Variants in NBPF11 observed in about 807,000 individuals in gnomAD.
NBPF11 encodes NBPF family member NBPF11.
A neutral mutation model predicts 93.9 loss-of-function variants in NBPF11; 72 were observed. That is an observed-to-expected ratio of 0.77 (90% CI 0.63 to 0.93). The LOEUF is 0.93. Among genes scored for constraint, NBPF11 ranks in the 40% least tolerant of loss-of-function variants. The pLI is 0.00. For missense variants in NBPF11, 705 were observed against 802.2 expected, an observed-to-expected ratio of 0.88 and a Z score of 1.46; for synonymous variants, 224 against 304.9, an observed-to-expected ratio of 0.73 and a Z score of 2.76.
chr1:148,146,713 G>T (rs1207262146), intron 1 of NBPF11: 35 of 1,611,900 alleles, frequency 2.2e-5, no homozygotes, highest in Admixed American at 1.7e-4. Flanking sequence ...TGTTCGCTGC[G>T]TGCCTGGTGC....
Position 148,120,627 on chromosome 1 carries a change from T to C in NBPF11, c.862A>G (p.Ile288Val). ...CACAATTTCTCATTGATTTCTAGAA[T>C]GTTCATCTCTGCCTTCTCGCTGGAC... ...PLSSEKAEMNILEINEKLCPQ... is the reference protein window; with the variant it reads ...PLSSEKAEMNVLEINEKLCPQ... Residue 288 changes from isoleucine to valine, a missense_variant, in exon 10 of 24, where the codon ATT (isoleucine) becomes GTT (valine). Around this residue, in one of 12 missense-constraint regions of NBPF11, gnomAD observed 262 missense variants for 223.1 expected, o/e 1.17. Coordinates refer to ENST00000682118, the MANE Select transcript of NBPF11 (RefSeq NM_001385469.3). The C allele has an allele frequency of 6.5e-7, 1 of 1,535,250 alleles. No homozygotes were observed. Among genetic ancestry groups the C allele is most frequent in the Non-Finnish European group, 9.0e-7 (1 of 1,110,000 alleles).
intron 8 of NBPF11, 91 bp from the exon 9 acceptor site, chr1:148,122,357 T>C: frequency 6.3e-7 from 1 of 1,590,566 alleles, no homozygotes; most frequent in South Asian, 1.1e-5. Flanking sequence ...CAAGCGGCAT[T>C]AAGAGAGTGG....
Position 148,146,801 on chromosome 1 carries a change from C to G in NBPF11, c.-548-3115G>C, listed in dbSNP as rs1372551627. The G allele has an allele frequency of 3.1e-6, 5 of 1,613,268 alleles. No individual in the cohort carries two copies. The African/African-American group carries it at 5.3e-5, about 17-fold the overall frequency. On this transcript the variant is annotated intron_variant, in intron 1 of 23. Transcript: ENST00000682118. Reference sequence around the variant, plus strand: ...AGCAGCTTCTACATTGGCCTGGGCTCCCGCCTCCACTGCAACATCTTCACC... The same window carrying G: ...AGCAGCTTCTACATTGGCCTGGGCTGCCGCCTCCACTGCAACATCTTCACC...
chr1:148,124,721 C>T (rs1441790086), intron 6 of NBPF11, among the ~76,000 whole-genome samples, 178 bp downstream of exon 6: 1 of 152,092 alleles, frequency 6.6e-6, no homozygotes, highest in Non-Finnish European at 1.5e-5. Context: ...GAAACAACTG[C>T]AACACAGAAC....
intron 9 of NBPF11, 103 bp from the exon 10 acceptor site, chr1:148,120,813 T>G (rs1333476301): frequency 1.1e-6 from 1 of 901,618 alleles, no homozygotes. Context: ...TTTACTTATT[T>G]GAAGATGTTG....
Position 148,105,462 on chromosome 1 carries a change from T to C in NBPF11, c.2370A>G (p.Gln790=), listed in dbSNP as rs1663322053. 5.3e-6 allele frequency: 6 copies of C among 1,136,632 alleles called. No homozygotes were observed. Among genetic ancestry groups the C allele is most frequent in the East Asian group, 5.2e-5 (2 of 38,626 alleles). 70.4% of individuals were successfully genotyped at this position (1,136,632 alleles called of 1,614,324 possible). ...GGCTGTTCAAGACAACTGGAAGGAG[T>C]TGAATAACATCCAGTGAGTCCTGCA... ...EVLQDSLDVI[Q]LLPVVLNSLT... The change falls in exon 22 of 24, where the codon CAA becomes CAG. Residue 790 remains glutamine (Q), a synonymous_variant. Coordinates refer to ENST00000682118, the MANE Select transcript of NBPF11 (RefSeq NM_001385469.3).
Position 148,141,427 on chromosome 1 carries a change from T to C in NBPF11, c.-277+1988A>G, listed in dbSNP as rs1210446255. On this transcript the variant is annotated intron_variant, in intron 2 of 23. Transcript: ENST00000682118. ...GCCTAGGAGAACTCTCTGTACTATC[T>C]ACTCCATTTTTCTGTAAACCTAGAA... 5.3e-4 allele frequency among the ~76,000 whole-genome samples: 80 copies of C among 152,194 alleles called. 1 individual carries two copies. The highest frequency in any genetic ancestry group is 1.5e-3 in the African/African-American group (62 of 41,436).
At chr1:148,151,551 C>T (rs1553882533) in intron 1 of NBPF11, among the ~76,000 whole-genome samples, 199 bp downstream of exon 1, 66 of 151,886 alleles carry the variant, frequency 4.3e-4, no homozygotes, top group Admixed American at 2.3e-3. Context: ...AGGAGGGCTG[C>T]GGGCTGCAGC....
In NBPF11 at chr1:148,149,427, C is replaced by T. The variant is rs1647688118; in HGVS notation, c.-549+2323G>A. The T allele has an allele frequency of 3.8e-6, 6 of 1,581,190 alleles. 1 individual carries two copies. The highest frequency in any genetic ancestry group is 3.5e-5 in the Admixed American group (2 of 57,738). On this transcript the variant is annotated intron_variant, in intron 1 of 23. Coordinates refer to ENST00000682118, the MANE Select transcript of NBPF11 (RefSeq NM_001385469.3). ...GTGATCGACTTCTCGCACGGGCTGG[C>T]GCTCTACGAGCGCTGCCCCAAGGCG...
At chr1:148,140,840 C>G (rs1293522748) in intron 2 of NBPF11, among the ~76,000 whole-genome samples, 2 of 151,314 alleles carry the variant, frequency 1.3e-5, no homozygotes, top group African/African-American at 2.4e-5. Context: ...TAAGTTCATT[C>G]AAAATCCTGC....
Position 148,121,027 on chromosome 1 carries a change from A to T in NBPF11, c.779-317T>A, listed in dbSNP as rs3992671. On this transcript the variant is annotated intron_variant, in intron 9 of 23. Coordinates refer to ENST00000682118, the MANE Select transcript of NBPF11 (RefSeq NM_001385469.3). ...CACAAAAGATTTCATTTTGCTTTTT[A>T]AATTTTTTCCTTTTTTGGTTTTTTG... Among the ~76,000 whole-genome samples the T allele has an allele frequency of 3.3e-5, 5 of 152,024 alleles. No homozygotes were observed. In the East Asian group the frequency reaches 7.7e-4, roughly 23 times the overall value.
chr1:148,126,163 T>C lies in NBPF11; in HGVS notation c.175+666A>G, dbSNP rs1408493500. ...TTACAGTTGCCCGCCACGACGCCCA[T>C]CTACTTTTTGTATTTTTAGTGGAGA... On this transcript the variant is annotated intron_variant, in intron 5 of 23. Coordinates refer to ENST00000682118, the MANE Select transcript of NBPF11 (RefSeq NM_001385469.3). Among the ~76,000 whole-genome samples the C allele has an allele frequency of 3.3e-3, 498 of 151,790 alleles. 10 individuals are homozygous for C. Among genetic ancestry groups the C allele is most frequent in the African/African-American group, 0.011 (467 of 41,200 alleles).
chr1:148,114,097 C>T (rs1422442589), intron 15 of NBPF11, among the ~76,000 whole-genome samples: 308 of 134,194 alleles, frequency 2.3e-3, no homozygotes, highest in African/African-American at 8.5e-3. Context: ...TAGCAGAAGA[C>T]AAGAAGTAAC....
intron 1 of NBPF11, among the ~76,000 whole-genome samples, chr1:148,144,037 G>GA (rs369997694): frequency 3.3e-5 from 5 of 151,578 alleles, no homozygotes; most frequent in African/African-American, 9.8e-5. Flanking sequence ...AGCCTGGGGG[G>GA]AAAAAAATAG....
chr1:148,149,497 G>C lies in NBPF11; in HGVS notation c.-549+2253C>G, dbSNP rs1341472984. 2.2e-4 allele frequency: 343 copies of C among 1,593,144 alleles called. 4 individuals carry two copies. In the African/African-American group the frequency reaches 3.7e-3, roughly 17 times the overall value. ...AGGGCGCCGGGCACAACGACATCGA[G>C]CTCTACAGCCAGTACCTGGAGCGCC... is the stretch of plus-strand genomic sequence containing the variant. On this transcript the variant is annotated intron_variant, in intron 1 of 23. Coordinates refer to ENST00000682118, the MANE Select transcript of NBPF11 (RefSeq NM_001385469.3).
chr1:148,148,546 G>T (rs1235641236), intron 1 of NBPF11, among the ~76,000 whole-genome samples: 1 of 152,020 alleles, frequency 6.6e-6, no homozygotes, highest in East Asian at 1.9e-4. Context: ...CCAAGGGAAG[G>T]TGCTGGTGGG....
Position 148,110,273 on chromosome 1 carries a change from A to G in NBPF11, c.1801+105T>C, listed in dbSNP as rs1179025228. 73 of 1,469,586 alleles carry G rather than the reference A, an allele frequency of 5.0e-5. 1 individual carries two copies. The highest frequency in any genetic ancestry group is 4.7e-4 in the South Asian group (41 of 87,812). The allele number at this position is 1,469,586 out of a possible 1,614,324, so 91.0% of individuals were successfully genotyped here. On this transcript the variant is annotated intron_variant, in intron 16 of 23. Transcript: ENST00000682118. ...ACATTGATATATAGGTTCAGCCCAC[A>G]GTGATGGCAACTCTCAGCCCAACCA...
chr1:148,127,746 T>C (rs2149254650), intron 4 of NBPF11, among the ~76,000 whole-genome samples: 1 of 145,290 alleles, frequency 6.9e-6, no homozygotes, highest in African/African-American at 2.5e-5. Flanking sequence ...AGGTTCACGC[T>C]ATTCTCCTGC....
chr1:148,141,789 C>G (rs1471941215), intron 2 of NBPF11, among the ~76,000 whole-genome samples: 5 of 151,656 alleles, frequency 3.3e-5, no homozygotes, highest in Admixed American at 6.6e-5. Context: ...GTGGCACCCA[C>G]AAATCAGAGG....
Sources: gnomAD v4.1 joint callset for allele counts (sites outside exome capture counted in the v4.1 genomes callset) on GRCh38, gnomAD v4.1.1 for gene constraint, gnomAD v4.1.1 regional missense constraint, MANE v1.5 for transcripts, NCBI Gene and HGNC (gene_info 2026-07-23, HGNC 2026-07-21) for gene names.